SIMC1: variants seen among roughly 807,000 people sequenced by gnomAD.
The protein encoded by SIMC1 is SUMO interacting motifs containing 1, also known as SUMO-interacting motif-containing protein 1.
In SIMC1, 55 loss-of-function variants were observed where a neutral mutation model predicts 82.3. The observed-to-expected ratio is 0.67, with a 90% CI of 0.54 to 0.84. SIMC1 has a LOEUF of 0.84. SIMC1 is among the 40% of genes least tolerant of loss of function. SIMC1 has a pLI of 0.00. For missense variants in SIMC1, 915 were observed against 1,107.2 expected, an observed-to-expected ratio of 0.83 and a Z score of 2.46; for synonymous variants, 353 against 426.3, an observed-to-expected ratio of 0.83 and a Z score of 2.12.
At chr5:176,252,215 CCG>C (rs765947653) in intron 1 of SIMC1, among the ~76,000 whole-genome samples, 3,008 of 85,110 alleles carry the variant, frequency 0.035, 52 homozygotes, top group Middle Eastern at 0.083. Flanking sequence ...GGGGGGCTGA[CCG>C]CCCCCCCCAC....
chr5:176,287,027 G>A (rs1265323762), intron 1 of SIMC1, among the ~76,000 whole-genome samples: 2 of 151,862 alleles, frequency 1.3e-5, no homozygotes, highest in Non-Finnish European at 2.9e-5. Context: ...TTACACTGTT[G>A]GTGGGACTGT....
Position 176,345,374 on chromosome 5 carries a change from C to G in SIMC1, c.2605C>G (p.Leu869Val), listed in dbSNP as rs372016718. Reference protein sequence around the residue: ...QLQDKVHLLKLLLFYAADLNP... With the variant: ...QLQDKVHLLKVLLFYAADLNP... Reference sequence around the variant, plus strand: ...CCAAGACAAAGTGCACTTGTTGAAGCTCCTGCTCTTCTATGCTGCGGACTT... The same window carrying G: ...CCAAGACAAAGTGCACTTGTTGAAGGTCCTGCTCTTCTATGCTGCGGACTT... Residue 869 changes from leucine to valine, a missense_variant, in exon 10 of 10, where the codon CTC becomes GTC. Leu to Val is a conservative substitution (Grantham distance 32). Coordinates refer to ENST00000429602, the MANE Select transcript of SIMC1 (RefSeq NM_001308195.2). 1 of 1,613,972 alleles carries G rather than the reference C, an allele frequency of 6.2e-7. No homozygotes were observed. Among genetic ancestry groups the G allele is most frequent in the Non-Finnish European group, 8.5e-7 (1 of 1,179,892 alleles).
At chr5:176,294,564 C>G (rs538273339) in intron 2 of SIMC1, among the ~76,000 whole-genome samples, 43 of 151,654 alleles carry the variant, frequency 2.8e-4, no homozygotes, top group African/African-American at 8.2e-4. Flanking sequence ...CAGGCATGAG[C>G]CACTGCACCC....
chr5:176,324,187 G>T (rs1765280266), intron 6 of SIMC1, among the ~76,000 whole-genome samples: 1 of 152,020 alleles, frequency 6.6e-6, no homozygotes, highest in Admixed American at 6.6e-5. Flanking sequence ...TATTGTAAAG[G>T]AAACAGTAAC....
chr5:176,344,286 A>AGAGTCCAGGCCAGTTATTTT (rs1233431075), intron 9 of SIMC1, among the ~76,000 whole-genome samples: 1 of 152,156 alleles, frequency 6.6e-6, no homozygotes, highest in East Asian at 1.9e-4. Context: ...ACATTTTTTA[A>AGAGTCCAGGCCAGTTATTTT]GAGTCCAGGC....
chr5:176,315,359 C>T (rs1195353793), intron 5 of SIMC1, among the ~76,000 whole-genome samples: 1 of 152,152 alleles, frequency 6.6e-6, no homozygotes, highest in Non-Finnish European at 1.5e-5. Context: ...GAGGACAGCA[C>T]CAAGACAGTT....
intron 1 of SIMC1, among the ~76,000 whole-genome samples, chr5:176,280,448 A>G (rs912434279): frequency 4.6e-5 from 7 of 151,394 alleles, no homozygotes; most frequent in Non-Finnish European, 1.5e-5. Context: ...TAAAGTTAAT[A>G]TTGTTATGTG....
chr5:176,321,439 C>CT lies in SIMC1; in HGVS notation c.1890-833dup, dbSNP rs1250453115. Among the ~76,000 whole-genome samples the CT allele has an allele frequency of 2.0e-5, 3 of 149,028 alleles. No individual in the cohort carries two copies. In the East Asian group the frequency reaches 5.9e-4, roughly 29 times the overall value. On this transcript the variant is annotated intron_variant, in intron 5 of 9. Transcript: ENST00000429602. ...GCCTGGCGACAGAGCGAGACTCTGC[C>CT]TAAAAAAAAAAAAAAACTCACTGCT...
chr5:176,303,017 C>G (rs1216597979), intron 4 of SIMC1, among the ~76,000 whole-genome samples: 1 of 152,110 alleles, frequency 6.6e-6, no homozygotes. Context: ...ATCAAAATCC[C>G]AACAGCATTT....
Position 176,345,471 on chromosome 5 carries a change from G to A in SIMC1, c.*26G>A, listed in dbSNP as rs759505254. Reference sequence around the variant, plus strand: ...GGGCCTGCCAAGCACTGAATGCCAAGAATACCTCCTGAACTCTCTCTCCAA... The same window carrying A: ...GGGCCTGCCAAGCACTGAATGCCAAAAATACCTCCTGAACTCTCTCTCCAA... On this transcript the variant is annotated 3_prime_UTR_variant, in exon 10 of 10. Coordinates refer to ENST00000429602, the MANE Select transcript of SIMC1 (RefSeq NM_001308195.2). 2 of 1,595,990 alleles carry A rather than the reference G, an allele frequency of 1.3e-6. No homozygotes were observed. Among genetic ancestry groups the A allele is most frequent in the African/African-American group, 1.4e-5 (1 of 73,980 alleles).
At chr5:176,272,231 G>C (rs977153248) in intron 1 of SIMC1, among the ~76,000 whole-genome samples, 4 of 145,086 alleles carry the variant, frequency 2.8e-5, no homozygotes, top group Admixed American at 7.1e-5. Flanking sequence ...TGCAGTCCCT[G>C]CTACATAGGA....
chr5:176,324,755 G>GA lies in SIMC1; in HGVS notation c.2170dup (p.Arg724LysfsTer27). 1 of 1,589,982 alleles carries GA rather than the reference G, an allele frequency of 6.3e-7. No individual in the cohort carries two copies. Among genetic ancestry groups the GA allele is most frequent in the Non-Finnish European group, 8.6e-7 (1 of 1,167,848 alleles). ...TGCTGGACATTCCTGAGAGGAGCCA[G>GA]AGGTGAGTCTTGATTTTGTTGGGGA... On this transcript the variant is annotated frameshift_variant and splice_region_variant, in exon 7 of 10. Coordinates refer to ENST00000429602, the MANE Select transcript of SIMC1 (RefSeq NM_001308195.2). LOFTEE classifies it high-confidence loss of function.
chr5:176,324,775 T>A lies in SIMC1; in HGVS notation c.2171+18T>A, dbSNP rs1472440203. ...AGCCAGAGGTGAGTCTTGATTTTGT[T>A]GGGGAGAGCAGTTATTTAAAAAAAA... On this transcript the variant is annotated intron_variant, in intron 7 of 9. Coordinates refer to ENST00000429602, the MANE Select transcript of SIMC1 (RefSeq NM_001308195.2). 6.2e-5 allele frequency: 96 copies of A among 1,555,310 alleles called. No homozygotes were observed. The highest frequency in any genetic ancestry group is 8.1e-5 in the Non-Finnish European group (94 of 1,153,946).
chr5:176,273,720 G>T (rs1269350516), intron 1 of SIMC1, among the ~76,000 whole-genome samples: 1 of 151,854 alleles, frequency 6.6e-6, no homozygotes, highest in Non-Finnish European at 1.5e-5. Flanking sequence ...TGTTCTCATT[G>T]TTCAATTCCC....
intron 4 of SIMC1, among the ~76,000 whole-genome samples, chr5:176,302,818 GAATAA>G (rs1172092463): frequency 6.6e-6 from 1 of 151,968 alleles, no homozygotes; most frequent in Non-Finnish European, 1.5e-5. Flanking sequence ...TCATCAAAAA[GAATAA>G]AATACTCAGG....
intron 1 of SIMC1, among the ~76,000 whole-genome samples, chr5:176,252,815 C>G (rs1581218982): frequency 6.6e-6 from 1 of 152,116 alleles, no homozygotes; most frequent in Non-Finnish European, 1.5e-5. Context: ...TTGTAGCGAG[C>G]TGAGATCATG....
At chr5:176,325,461 G>A (rs933500914) in intron 7 of SIMC1, among the ~76,000 whole-genome samples, 6 of 151,820 alleles carry the variant, frequency 4.0e-5, no homozygotes, top group East Asian at 1.9e-4. Flanking sequence ...CAAGGCGGGC[G>A]GATCACGAGG....
intron 7 of SIMC1, among the ~76,000 whole-genome samples, chr5:176,331,973 AAAAC>A (rs908897421): frequency 1.8e-4 from 28 of 152,232 alleles, no homozygotes; most frequent in African/African-American, 5.3e-4. Flanking sequence ...TCTAAAAAAA[AAAAC>A]AAACAAACAC....
Position 176,276,462 on chromosome 5 carries a change from T to G in SIMC1, c.130-13192T>G, listed in dbSNP as rs893492387. 5.9e-5 allele frequency among the ~76,000 whole-genome samples: 9 copies of G among 151,296 alleles called. 1 individual carries two copies. Among genetic ancestry groups the G allele is most frequent in the Non-Finnish European group, 1.2e-4 (8 of 67,756 alleles). ...TAATTTTTTTTTCTTTTTTTTTTAT[T>G]ATACTTTAAGTTTTAGGGTACATGT... On this transcript the variant is annotated intron_variant, in intron 1 of 9. Coordinates refer to ENST00000429602, the MANE Select transcript of SIMC1 (RefSeq NM_001308195.2).
Sources: gnomAD v4.1 joint callset for allele counts (sites outside exome capture counted in the v4.1 genomes callset) on GRCh38, gnomAD v4.1.1 for gene constraint, MANE v1.5 for transcripts, NCBI Gene and HGNC (gene_info 2026-07-23, HGNC 2026-07-21) for gene names.